The following BMAL1 variants were observed in gnomAD, a reference collection of about 807,000 sequenced individuals.
BMAL1 encodes basic helix-loop-helix ARNT like 1.
chr11:13,355,523 CT>C, the BMAL1 span, among the ~76,000 whole-genome samples: 1 of 152,208 alleles, frequency 6.6e-6, no homozygotes, highest in South Asian at 2.1e-4. Flanking sequence ...CAAGATTTCC[CT>C]TGTGGACTCT....
the BMAL1 span, among the ~76,000 whole-genome samples, chr11:13,308,199 T>C: frequency 1.3e-5 from 2 of 152,154 alleles, no homozygotes; most frequent in African/African-American, 2.4e-5. Flanking sequence ...TCTGGGCAGC[T>C]GGAAGAACAT....
the BMAL1 span, among the ~76,000 whole-genome samples, chr11:13,383,193 A>C: frequency 2.0e-5 from 3 of 152,318 alleles, 1 homozygote; most frequent in South Asian, 6.2e-4. Context: ...CAAGCTAAAA[A>C]GGAAGCCTAA....
chr11:13,313,525 G>C, the BMAL1 span, among the ~76,000 whole-genome samples: 1 of 152,124 alleles, frequency 6.6e-6, no homozygotes, highest in African/African-American at 2.4e-5. Context: ...AGTTGCTTCT[G>C]CTTCATGAGT....
the BMAL1 span, among the ~76,000 whole-genome samples, chr11:13,323,742 G>A: frequency 9.9e-5 from 15 of 152,018 alleles, no homozygotes; most frequent in African/African-American, 2.2e-4. Context: ...TCAGCCTCCC[G>A]AGTAGCTGGG....
the BMAL1 span, chr11:13,385,673 C>G: frequency 6.3e-7 from 1 of 1,584,722 alleles, no homozygotes; most frequent in East Asian, 2.2e-5. Context: ...TCACACTTCC[C>G]TCCTTTTGTT....
the BMAL1 span, chr11:13,376,708 G>C: frequency 6.2e-7 from 1 of 1,613,928 alleles, no homozygotes. Context: ...AGCATGGACA[G>C]CATGCTGCCC....
chr11:13,307,615 G>A, the BMAL1 span, among the ~76,000 whole-genome samples: 1 of 152,248 alleles, frequency 6.6e-6, no homozygotes, highest in Admixed American at 6.5e-5. Context: ...ACTATTAAGT[G>A]TTGGCAGACT....
At chr11:13,345,476 A>G in the BMAL1 span, among the ~76,000 whole-genome samples, 3 of 152,284 alleles carry the variant, frequency 2.0e-5, no homozygotes, top group South Asian at 4.2e-4. Context: ...AGCTTTCCTG[A>G]CCCAGGACTT....
the BMAL1 span, among the ~76,000 whole-genome samples, chr11:13,361,999 A>G: frequency 1.3e-5 from 2 of 152,238 alleles, no homozygotes; most frequent in Non-Finnish European, 2.9e-5. Context: ...GGCAGGGTGC[A>G]GAAACAAGTG....
At chr11:13,369,528 G>A in the BMAL1 span, 1 of 1,467,026 alleles carries the variant, frequency 6.8e-7, no homozygotes, top group Admixed American at 2.0e-5. Flanking sequence ...CAGTGAGGCA[G>A]GCAAGAAAAG....
the BMAL1 span, among the ~76,000 whole-genome samples, chr11:13,283,799 C>T: frequency 1.3e-5 from 2 of 152,090 alleles, no homozygotes; most frequent in Non-Finnish European, 2.9e-5. Flanking sequence ...GAACATTCTC[C>T]TCACATCCTG....
chr11:13,381,324 G>A, the BMAL1 span: 3 of 1,464,256 alleles, frequency 2.0e-6, no homozygotes, highest in Admixed American at 1.7e-5. Context: ...GGGGGTGGGA[G>A]TATGGAATTG....
the BMAL1 span, among the ~76,000 whole-genome samples, chr11:13,322,875 G>C: frequency 1.5e-5 from 2 of 131,452 alleles, no homozygotes; most frequent in Non-Finnish European, 3.1e-5. Flanking sequence ...CTGCAACTTT[G>C]AAATCTTGGG....
chr11:13,301,703 A>C, the BMAL1 span, among the ~76,000 whole-genome samples: 1 of 152,198 alleles, frequency 6.6e-6, no homozygotes, highest in Non-Finnish European at 1.5e-5. Flanking sequence ...ATTTGGCTGA[A>C]GAATTGCATG....
the BMAL1 span, among the ~76,000 whole-genome samples, chr11:13,297,878 G>A: frequency 6.6e-6 from 1 of 152,176 alleles, no homozygotes; most frequent in African/African-American, 2.4e-5. Flanking sequence ...TGTGGTGATT[G>A]CAGTAGCCTC....
At chr11:13,284,077 GGTGTGTGTGTGTGTGTGT>G in the BMAL1 span, among the ~76,000 whole-genome samples, 1 of 85,630 alleles carries the variant, frequency 1.2e-5, no homozygotes, top group African/African-American at 5.5e-5. Context: ...ACAGTGTTGG[GGTGTGTGTGTGTGTGTGT>G]GTGTGTGTGT....
the BMAL1 span, among the ~76,000 whole-genome samples, chr11:13,335,266 C>T: frequency 1.3e-4 from 20 of 152,208 alleles, no homozygotes; most frequent in African/African-American, 4.6e-4. Flanking sequence ...AGTGAAGAAA[C>T]ATAAATATGA....
At chr11:13,379,839 T>C in the BMAL1 span, 1 of 152,186 alleles carries the variant, frequency 6.6e-6, no homozygotes, top group African/African-American at 2.4e-5. Flanking sequence ...AGAGCTATGA[T>C]AGGCGATTAA....
At chr11:13,291,241 T>C in the BMAL1 span, among the ~76,000 whole-genome samples, 4 of 152,254 alleles carry the variant, frequency 2.6e-5, no homozygotes, top group Non-Finnish European at 5.9e-5. Context: ...AATTGACAAG[T>C]AGTTTTTACA....
Sources: allele counts gnomAD v4.1 joint callset (sites outside exome capture counted in the v4.1 genomes callset), GRCh38; gene constraint gnomAD v4.1.1; transcripts MANE v1.5; gene names NCBI Gene and HGNC (gene_info 2026-07-23, HGNC 2026-07-21).